The following KCNT1 variants were observed in gnomAD, a reference collection of about 807,000 sequenced individuals.
The protein encoded by KCNT1 is potassium channel subfamily T member 1.
KCNT1 carries 78 observed loss-of-function variants against 147.8 expected under a neutral mutation model. The observed-to-expected ratio is 0.53, with a 90% CI of 0.44 to 0.64. KCNT1 has a LOEUF of 0.64. KCNT1 is among the 30% of genes least tolerant of loss of function. The pLI is 0.00. For synonymous variants in KCNT1, 867 were observed against 748.8 expected, an observed-to-expected ratio of 1.16 and a Z score of -2.58; for missense variants, 1,419 against 1,750.3, an observed-to-expected ratio of 0.81 and a Z score of 3.38.
chr9:135,792,542 C>T lies in KCNT1; in HGVS notation c.*381C>T, dbSNP rs1834616982. On this transcript the variant is annotated 3_prime_UTR_variant, in exon 31 of 31. Transcript: ENST00000371757. ...GGTGCATGGGGAGGGGAGCAGAACCCAGAACCCAGGAGCCCCGCGTGGGCC... is the reference window on the plus strand; with the variant it reads ...GGTGCATGGGGAGGGGAGCAGAACCTAGAACCCAGGAGCCCCGCGTGGGCC... 1 of 187,780 alleles carries T rather than the reference C, an allele frequency of 5.3e-6. No homozygotes were observed. The highest frequency in any genetic ancestry group is 2.4e-5 in the African/African-American group (1 of 42,024). 11.6% of individuals were successfully genotyped at this position (187,780 alleles called of 1,614,324 possible).
At chr9:135,784,709 G>T in intron 26 of KCNT1, 52 bp from the exon 27 acceptor site, 1 of 1,609,072 alleles carries the variant, frequency 6.2e-7, no homozygotes, top group Non-Finnish European at 8.5e-7. Context: ...GTGGCCAGGA[G>T]GCTCTGGGTG....
intron 1 of KCNT1, among the ~76,000 whole-genome samples, chr9:135,703,502 G>T (rs906133366): frequency 1.3e-5 from 2 of 152,232 alleles, no homozygotes; most frequent in Non-Finnish European, 2.9e-5. Context: ...GGAGTCCGGG[G>T]TACAGCGTGT....
chr9:135,708,426 C>T (rs189898068), intron 1 of KCNT1, among the ~76,000 whole-genome samples: 1 of 152,364 alleles, frequency 6.6e-6, no homozygotes, highest in East Asian at 1.9e-4. Context: ...TGCTCATCTC[C>T]CTCCTCCCTA....
intron 6 of KCNT1, 103 bp downstream of exon 6, chr9:135,755,272 T>C (rs1831409529): frequency 5.5e-6 from 5 of 917,194 alleles, no homozygotes; most frequent in African/African-American, 5.1e-5. Context: ...CGGTGAGCAC[T>C]GAGGACATAC....
chr9:135,705,660 A>G (rs1262431012), intron 1 of KCNT1, among the ~76,000 whole-genome samples: 2 of 152,176 alleles, frequency 1.3e-5, no homozygotes, highest in East Asian at 3.9e-4. Context: ...GTGTGTGTGG[A>G]TAAGGCCACC....
At chr9:135,786,722 G>T (rs1346682101) in intron 29 of KCNT1, among the ~76,000 whole-genome samples, 1 of 152,252 alleles carries the variant, frequency 6.6e-6, no homozygotes, top group Non-Finnish European at 1.5e-5. Context: ...CCCAGCAGAG[G>T]CCCCGTGCAG....
chr9:135,774,307 G>C (rs1193419655), intron 19 of KCNT1, among the ~76,000 whole-genome samples: 3 of 148,176 alleles, frequency 2.0e-5, no homozygotes, highest in Admixed American at 6.7e-5. Context: ...GTGTGTGTCT[G>C]TGTGCTGTGT....
chr9:135,760,880 C>T (rs567886305), intron 11 of KCNT1, among the ~76,000 whole-genome samples: 2 of 152,262 alleles, frequency 1.3e-5, no homozygotes, highest in African/African-American at 4.8e-5. Context: ...CTGCCCGCTC[C>T]TCTTTGGTCT....
intron 3 of KCNT1, chr9:135,750,516 C>G: frequency 2.2e-6 from 1 of 454,650 alleles, no homozygotes; most frequent in Non-Finnish European, 4.1e-6. Flanking sequence ...GCCCTGCCTC[C>G]CACCCCTCCA....
intron 2 of KCNT1, among the ~76,000 whole-genome samples, chr9:135,743,178 G>A (rs534550777): frequency 1.3e-5 from 2 of 152,100 alleles, no homozygotes; most frequent in Non-Finnish European, 2.9e-5. Flanking sequence ...TTGGCTGCCT[G>A]TGCCGGTCGA....
chr9:135,788,261 C>T, intron 29 of KCNT1: 3 of 1,050,298 alleles, frequency 2.9e-6, no homozygotes, highest in Admixed American at 1.7e-5. Context: ...GGCAGGTGGA[C>T]AGGAGCTGTG....
intron 28 of KCNT1, chr9:135,785,712 C>G (rs1833992701): frequency 2.1e-6 from 1 of 482,002 alleles, no homozygotes. Context: ...TTCCCAGCAC[C>G]CCACGACCCA....
In KCNT1 at chr9:135,793,689, G is replaced by A. The variant is rs542179772; in HGVS notation, c.*1528G>A. ...TGGAGGGGCCGGCCCTGGCCACACAGACTAGCTAGTCCCTTACTCCCGGCC... is the reference window on the plus strand; with the variant it reads ...TGGAGGGGCCGGCCCTGGCCACACAAACTAGCTAGTCCCTTACTCCCGGCC... On this transcript the variant is annotated 3_prime_UTR_variant, in exon 31 of 31. Coordinates refer to ENST00000371757, the MANE Select transcript of KCNT1 (RefSeq NM_020822.3). 3 of 152,520 alleles carry A rather than the reference G, an allele frequency of 2.0e-5. No individual in the cohort carries two copies. In the South Asian group the frequency reaches 6.2e-4, roughly 32 times the overall value. 9.4% of individuals were successfully genotyped at this position (152,520 alleles called of 1,614,324 possible).
intron 1 of KCNT1, among the ~76,000 whole-genome samples, chr9:135,707,514 C>T (rs1281953714): frequency 6.6e-6 from 1 of 152,228 alleles, no homozygotes; most frequent in Admixed American, 6.5e-5. Flanking sequence ...GGCTGTGGGC[C>T]GATGCAGCTG....
At chr9:135,731,987 T>TAGAGAGAGAG (rs1564328006) in intron 2 of KCNT1, among the ~76,000 whole-genome samples, 20 of 21,838 alleles carry the variant, frequency 9.2e-4, no homozygotes, top group African/African-American at 1.8e-3. Flanking sequence ...TATATATATA[T>TAGAGAGAGAG]ATATAGAGAG....
intron 25 of KCNT1, 133 bp from the exon 26 acceptor site, chr9:135,784,402 G>C: frequency 1.4e-6 from 1 of 697,406 alleles, no homozygotes; most frequent in Non-Finnish European, 2.5e-6. Context: ...CTGTGTGTGT[G>C]TATGCATGAG....
At chr9:135,761,855 A>G (rs1357611238) in intron 11 of KCNT1, among the ~76,000 whole-genome samples, 1 of 152,092 alleles carries the variant, frequency 6.6e-6, no homozygotes, top group East Asian at 1.9e-4. Context: ...GCCCAGCCAC[A>G]CGCAGCTCCA....
At chr9:135,717,443 TG>T (rs1274480857) in intron 2 of KCNT1, among the ~76,000 whole-genome samples, 2 of 150,520 alleles carry the variant, frequency 1.3e-5, no homozygotes, top group African/African-American at 2.4e-5. Context: ...ATCTGGAAGG[TG>T]GGGGGCTGCT....
intron 5 of KCNT1, 109 bp downstream of exon 5, chr9:135,754,102 T>C: frequency 4.0e-6 from 4 of 1,011,892 alleles, no homozygotes; most frequent in Non-Finnish European, 6.1e-6. Context: ...CTCAGAGGCC[T>C]GGGACCAGGG....
Sources: allele counts gnomAD v4.1 joint callset (sites outside exome capture counted in the v4.1 genomes callset), GRCh38; gene constraint gnomAD v4.1.1; transcripts MANE v1.5; gene names NCBI Gene and HGNC (gene_info 2026-07-23, HGNC 2026-07-21).